POTEB3: variants seen among roughly 807,000 people sequenced by gnomAD.
POTEB3 encodes POTE ankyrin domain family member B3.
Under a neutral mutation model 39.8 loss-of-function variants are expected in POTEB3, and 5 were observed. The observed-to-expected ratio is 0.13, with a 90% CI of 0.07 to 0.26. POTEB3 has a LOEUF of 0.26. Among genes scored for constraint, POTEB3 ranks in the 10% least tolerant of loss-of-function variants. The probability of loss-of-function intolerance (pLI) is 1.00; values close to 1 mark genes in which losing one functional copy is unlikely to be tolerated. For missense variants in POTEB3, 24 were observed against 475.6 expected (o/e 0.05, Z 8.83); for synonymous variants, 5 against 161.5 (o/e 0.03, Z 7.35).
chr15:21,421,905 A>G (rs1898519499), intron 7 of POTEB3, among the ~76,000 whole-genome samples: 1 of 151,940 alleles, frequency 6.6e-6, no homozygotes, highest in South Asian at 2.1e-4. Flanking sequence ...TAAGCTAAAT[A>G]TCAAATGTCA....
At chr15:21,409,799 T>A (rs1473256115) in intron 10 of POTEB3, among the ~76,000 whole-genome samples, 2 of 105,044 alleles carry the variant, frequency 1.9e-5, no homozygotes, top group Non-Finnish European at 3.7e-5. Flanking sequence ...TCACGATTCT[T>A]AAAAGGAGAG....
intron 6 of POTEB3, among the ~76,000 whole-genome samples, chr15:21,423,476 C>T (rs1198937263): frequency 2.5e-4 from 5 of 20,026 alleles, no homozygotes; most frequent in African/African-American, 9.3e-4. Flanking sequence ...CAGGTAACTC[C>T]TTCCTTGAGG....
chr15:21,433,417 C>T (rs1595365095), intron 3 of POTEB3, among the ~76,000 whole-genome samples: 1 of 149,752 alleles, frequency 6.7e-6, no homozygotes, highest in East Asian at 1.9e-4. Flanking sequence ...CATACATATC[C>T]AGGCTTTATT....
At chr15:21,428,498 A>C (rs1898818414) in intron 5 of POTEB3, among the ~76,000 whole-genome samples, 1 of 147,684 alleles carries the variant, frequency 6.8e-6, no homozygotes, top group Non-Finnish European at 1.5e-5. Flanking sequence ...AGAAAAACCA[A>C]TGGATGTTAA....
In POTEB3 at chr15:21,409,514, AT is replaced by A. The variant is rs1898279766; in HGVS notation, c.1534-320del. 2.7e-5 allele frequency among the ~76,000 whole-genome samples: 2 copies of A among 72,890 alleles called. 1 individual carries two copies. Among genetic ancestry groups the A allele is most frequent in the African/African-American group, 2.2e-4 (2 of 8,936 alleles). The allele number at this position is 72,890 out of a possible 152,430, so 47.8% of individuals were successfully genotyped here. On this transcript the variant is annotated intron_variant, in intron 10 of 10. Transcript: ENST00000611217. ...TAATACATTTGGCTACATTTTTTAA[AT>A]TGGGTTTACACTCTGATATCTAACC... is the stretch of plus-strand genomic sequence containing the variant.
chr15:21,410,770 C>T lies in POTEB3; in HGVS notation c.1533+108G>A, dbSNP rs1293673893. On this transcript the variant is annotated intron_variant, in intron 10 of 10. Coordinates refer to ENST00000611217, the MANE Select transcript of POTEB3 (RefSeq NM_207355.5). ...ATATATACACACACACAGACACACA[C>T]ACACGTGTGTATATATATGATTTAA... 9 of 708,568 alleles carry T rather than the reference C, an allele frequency of 1.3e-5. 2 individuals are homozygous for T. The highest frequency in any genetic ancestry group is 1.7e-5 in the Non-Finnish European group (9 of 517,160). 43.9% of individuals were successfully genotyped at this position (708,568 alleles called of 1,614,324 possible).
rs2141347249 is a variant in POTEB3, at chr15:21,417,225, T to C, written c.1409+2239A>G. On this transcript the variant is annotated intron_variant, in intron 9 of 10. Coordinates refer to ENST00000611217, the MANE Select transcript of POTEB3 (RefSeq NM_207355.5). Reference sequence around the variant, plus strand: ...TTACAGAAAAAAATTAGTGATAATCTTGAGGAAAAACAATGCTGGAGGACT... The same window carrying C: ...TTACAGAAAAAAATTAGTGATAATCCTGAGGAAAAACAATGCTGGAGGACT... Among the ~76,000 whole-genome samples, 2 of 75,756 alleles carry C rather than the reference T, an allele frequency of 2.6e-5. 1 individual carries two copies. Among genetic ancestry groups the C allele is most frequent in the East Asian group, 7.2e-4 (2 of 2,784 alleles). 49.7% of individuals were successfully genotyped at this position (75,756 alleles called of 152,430 possible).
At chr15:21,431,023 AG>A (rs1303470788) in intron 4 of POTEB3, among the ~76,000 whole-genome samples, 2 of 150,454 alleles carry the variant, frequency 1.3e-5, no homozygotes, top group Non-Finnish European at 3.0e-5. Flanking sequence ...CAAGTAAGAA[AG>A]TTAGGAATTA....
In POTEB3 at chr15:21,417,839, C is replaced by A. The variant is rs1233077380; in HGVS notation, c.1409+1625G>T. 4.6e-4 allele frequency among the ~76,000 whole-genome samples: 49 copies of A among 107,564 alleles called. 1 individual carries two copies. The South Asian group carries it at 0.012, about 26-fold the overall frequency. The allele number at this position is 107,564 out of a possible 152,430, so 70.6% of individuals were successfully genotyped here. A position where few individuals can be genotyped will look rare whatever the true frequency, so the allele number is the denominator to read the frequency against. Reference sequence around the variant, plus strand: ...GTGGAAAAATATGGTGAGGTGAATACCAAAATATATCCTTTTCTCAAAGGA... The same window carrying A: ...GTGGAAAAATATGGTGAGGTGAATAACAAAATATATCCTTTTCTCAAAGGA... On this transcript the variant is annotated intron_variant, in intron 9 of 10. Coordinates refer to ENST00000611217, the MANE Select transcript of POTEB3 (RefSeq NM_207355.5).
At chr15:21,413,664 G>A (rs1193675108) in intron 9 of POTEB3, among the ~76,000 whole-genome samples, 2 of 32,722 alleles carry the variant, frequency 6.1e-5, no homozygotes, top group Non-Finnish European at 9.6e-5. Flanking sequence ...TACAATCATG[G>A]CAGAAGGTAA....
rs1181487041 is a variant in POTEB3, at chr15:21,434,820, C to T, written c.651G>A (p.Gln217=). The change falls in exon 3 of 11, where the codon CAG becomes CAA. Residue 217 remains glutamine (Q), a synonymous_variant. Coordinates refer to ENST00000611217, the MANE Select transcript of POTEB3 (RefSeq NM_207355.5). ...GCAACATTAACACACATTCATCTTC[C>T]TGGCATTGTACGGCCTGTCAGTATT... ...RTALIKAVQC[Q]EDECVLMLLE... 1 of 25,738 alleles carries T rather than the reference C, an allele frequency of 3.9e-5. No homozygotes were observed. Among genetic ancestry groups the T allele is most frequent in the South Asian group, 6.0e-4 (1 of 1,656 alleles). The allele number at this position is 25,738 out of a possible 1,614,324, so 1.6% of individuals were successfully genotyped here.
intron 7 of POTEB3, 142 bp from the exon 8 acceptor site, chr15:21,420,860 T>G (rs1898484970): frequency 5.9e-6 from 1 of 169,520 alleles, no homozygotes; most frequent in Admixed American, 1.2e-4. Flanking sequence ...AAAATTTAAC[T>G]TAAAATAATT....
chr15:21,421,985 TA>T (rs1346546603), intron 7 of POTEB3, 134 bp downstream of exon 7: 2 of 617,048 alleles, frequency 3.2e-6, no homozygotes, highest in African/African-American at 1.9e-5. Flanking sequence ...AAGAATCTAT[TA>T]AAAAATTCTT....
intron 9 of POTEB3, among the ~76,000 whole-genome samples, chr15:21,414,421 T>A (rs1898376249): frequency 9.2e-6 from 1 of 108,594 alleles, no homozygotes; most frequent in Non-Finnish European, 1.8e-5. Context: ...ATACTTTCAT[T>A]TTGAACATAG....
Position 21,407,479 on chromosome 15 carries a change from A to G in POTEB3, c.*1504T>C, listed in dbSNP as rs1327105698. Among the ~76,000 whole-genome samples, 5 of 89,202 alleles carry G rather than the reference A, an allele frequency of 5.6e-5. No individual in the cohort carries two copies. Among genetic ancestry groups the G allele is most frequent in the Admixed American group, 3.8e-4 (4 of 10,464 alleles). The allele number at this position is 89,202 out of a possible 152,430, so 58.5% of individuals were successfully genotyped here. Reference sequence around the variant, plus strand: ...ATAAAGGGCTGCAGTATGGAGAGGTAATGTGCAGGCTGGTACGTGGCTGTA... The same window carrying G: ...ATAAAGGGCTGCAGTATGGAGAGGTGATGTGCAGGCTGGTACGTGGCTGTA... On this transcript the variant is annotated 3_prime_UTR_variant, in exon 11 of 11. Transcript: ENST00000611217.
At chr15:21,419,925 C>A (rs1898467868) in intron 8 of POTEB3, among the ~76,000 whole-genome samples, 1 of 127,036 alleles carries the variant, frequency 7.9e-6, no homozygotes, top group Non-Finnish European at 1.7e-5. Context: ...GCTTTTATTC[C>A]CAAAAACTCT....
intron 6 of POTEB3, 66 bp from the exon 7 acceptor site, chr15:21,422,256 AT>A: frequency 6.5e-7 from 1 of 1,533,600 alleles, no homozygotes; most frequent in Non-Finnish European, 8.8e-7. Context: ...TATTGCCTTT[AT>A]AAAAATAGAT....
intron 3 of POTEB3, among the ~76,000 whole-genome samples, 195 bp downstream of exon 3, chr15:21,434,465 GA>G (rs1595365631): frequency 1.3e-5 from 1 of 79,490 alleles, no homozygotes; most frequent in African/African-American, 6.5e-5. Context: ...CAAGTGCACT[GA>G]AAAAAACTGT....
At chr15:21,416,841 G>A (rs1898414564) in intron 9 of POTEB3, among the ~76,000 whole-genome samples, 1 of 20,774 alleles carries the variant, frequency 4.8e-5, no homozygotes, top group East Asian at 1.7e-3. Flanking sequence ...TCAGGAGGCC[G>A]AAGCAGGAGA....
Sources: allele counts gnomAD v4.1 joint callset (sites outside exome capture counted in the v4.1 genomes callset), GRCh38; gene constraint gnomAD v4.1.1; transcripts MANE v1.5; gene names NCBI Gene and HGNC (gene_info 2026-07-23, HGNC 2026-07-21).